Variants in ITFG1 observed in about 807,000 individuals in gnomAD.
ITFG1 encodes T-cell immunomodulatory protein.
Under a neutral mutation model 81.8 loss-of-function variants are expected in ITFG1, and 34 were observed. The ratio of observed to expected loss-of-function variants is 0.42; its 90% CI spans 0.32 to 0.55. The LOEUF (loss-of-function observed/expected upper bound fraction) is 0.55, where lower values mean the gene tolerates loss of function less well. Ranked by LOEUF, ITFG1 falls within the 20% of genes least tolerant of loss-of-function variation. The pLI, the probability that ITFG1 is intolerant of heterozygous loss-of-function variation, is 0.17. For missense variants in ITFG1, 672 were observed against 755.4 expected (o/e 0.89, Z 1.29); for synonymous variants, 285 against 270.6 (o/e 1.05, Z -0.52).
Position 47,420,479 on chromosome 16 carries a change from T to C in ITFG1, c.655+8325A>G, listed in dbSNP as rs140155375. Reference sequence around the variant, plus strand: ...TGTACTGGATGGAGTCTACTATAGTTTAGAAAGCACGTTGACATCTGATTC... The same window carrying C: ...TGTACTGGATGGAGTCTACTATAGTCTAGAAAGCACGTTGACATCTGATTC... On this transcript the variant is annotated intron_variant, in intron 6 of 17. Coordinates refer to ENST00000320640, the MANE Select transcript of ITFG1 (RefSeq NM_030790.5). 3.8e-3 allele frequency among the ~76,000 whole-genome samples: 580 copies of C among 152,278 alleles called. 3 individuals are homozygous for C. The highest frequency in any genetic ancestry group is 5.1e-3 in the Non-Finnish European group (346 of 68,022).
intron 8 of ITFG1, among the ~76,000 whole-genome samples, chr16:47,316,972 T>C (rs955115535): frequency 6.6e-6 from 1 of 152,212 alleles, no homozygotes; most frequent in Non-Finnish European, 1.5e-5. Context: ...TCTTTGGGAC[T>C]TCAGTAAATA....
intron 10 of ITFG1, among the ~76,000 whole-genome samples, chr16:47,269,486 TAAAA>T (rs76159288): frequency 2.0e-5 from 2 of 101,128 alleles, no homozygotes; most frequent in South Asian, 6.0e-4. Flanking sequence ...CTGTCTCTAT[TAAAA>T]AAAAAAAAAA....
At chr16:47,244,396 C>T (rs567551030) in intron 12 of ITFG1, among the ~76,000 whole-genome samples, 35 of 152,144 alleles carry the variant, frequency 2.3e-4, no homozygotes, top group African/African-American at 8.4e-4. Context: ...TGGGATCTGA[C>T]AGATTATCTC....
At chr16:47,409,391 TATATATATATA>T (rs1968773837) in intron 6 of ITFG1, among the ~76,000 whole-genome samples, 8 of 16,498 alleles carry the variant, frequency 4.8e-4, no homozygotes, top group Non-Finnish European at 7.1e-4. Flanking sequence ...TATATATATA[TATATATATATA>T]TATTTTTTTT....
intron 10 of ITFG1, among the ~76,000 whole-genome samples, chr16:47,298,053 G>T (rs186925086): frequency 5.9e-5 from 9 of 152,042 alleles, no homozygotes; most frequent in Admixed American, 2.0e-4. Context: ...TAATTTAAAA[G>T]ATTTGTTTCA....
At chr16:47,412,977 C>T (rs1015800617) in intron 6 of ITFG1, among the ~76,000 whole-genome samples, 2 of 152,176 alleles carry the variant, frequency 1.3e-5, no homozygotes, top group Admixed American at 1.3e-4. Context: ...TTCCCCCAAT[C>T]TGGCTAGAGA....
At chr16:47,442,626 A>C (rs1969268200) in intron 5 of ITFG1, among the ~76,000 whole-genome samples, 2 of 152,218 alleles carry the variant, frequency 1.3e-5, no homozygotes, top group Admixed American at 1.3e-4. Flanking sequence ...TCTTTGACAA[A>C]CCTGACAAAA....
At chr16:47,251,516 G>A (rs1364176706) in intron 12 of ITFG1, among the ~76,000 whole-genome samples, 1 of 134,450 alleles carries the variant, frequency 7.4e-6, no homozygotes, top group Non-Finnish European at 1.5e-5. Flanking sequence ...AAGAAGAAAA[G>A]CAACAGCTTA....
rs577324666 is a variant in ITFG1, at chr16:47,459,186, C to G, written c.209-11G>C. 1 of 1,534,974 alleles carries G rather than the reference C, an allele frequency of 6.5e-7. No individual in the cohort carries two copies. Among genetic ancestry groups the G allele is most frequent in the East Asian group, 2.3e-5 (1 of 44,442 alleles). On this transcript the variant is annotated splice_polypyrimidine_tract_variant and intron_variant, in intron 1 of 17. Transcript: ENST00000320640. ...CGATTAAGTCATTTCCTAAAGAAAA[C>G]AAATATATGATATTAGAAAAATGTT...
At chr16:47,190,043 T>TA (rs201761716) in intron 14 of ITFG1, among the ~76,000 whole-genome samples, 24 of 149,946 alleles carry the variant, frequency 1.6e-4, no homozygotes, top group South Asian at 1.1e-3. Context: ...TCCTCTGGAT[T>TA]AAAAAAAAAA....
rs369665908 is a variant in ITFG1 at position 47,454,171 on chromosome 16, A to G, written c.282-13T>C. ...TGCACTGTGATTCCTAAAAGAAACAAGCATTTACAAATATCAGACAAGTTG... is the reference window on the plus strand; with the variant it reads ...TGCACTGTGATTCCTAAAAGAAACAGGCATTTACAAATATCAGACAAGTTG... On this transcript the variant is annotated splice_polypyrimidine_tract_variant and intron_variant, in intron 2 of 17. Transcript: ENST00000320640. 1 of 1,586,482 alleles carries G rather than the reference A, an allele frequency of 6.3e-7. No individual in the cohort carries two copies. Among genetic ancestry groups the G allele is most frequent in the Admixed American group, 1.8e-5 (1 of 56,510 alleles).
In ITFG1 at chr16:47,311,332, A is replaced by C. The variant is rs780479405; in HGVS notation, c.978T>G (p.Thr326=). 9.9e-6 allele frequency: 16 copies of C among 1,613,582 alleles called. No homozygotes were observed. Among genetic ancestry groups the C allele is most frequent in the Non-Finnish European group, 1.4e-5 (16 of 1,179,654 alleles). ...FVPFVDEQQP[T]EIPIPITLHI... is the part of the protein sequence containing the mutation. ...GAAGGGTAATTGGAATTGGTATTTC[A>C]GTTGGTTGCTGTTCATCCACAAATG... The change falls in exon 10 of 18, where the codon ACT becomes ACG. Residue 326 remains threonine, a synonymous_variant. Coordinates refer to ENST00000320640, the MANE Select transcript of ITFG1 (RefSeq NM_030790.5).
rs34527674 is a variant in ITFG1 at position 47,182,386 on chromosome 16, C to CAA, written c.1454-19724_1454-19723dup. Among the ~76,000 whole-genome samples, 498 of 133,706 alleles carry CAA rather than the reference C, an allele frequency of 3.7e-3. 3 individuals carry two copies. The highest frequency in any genetic ancestry group is 0.013 in the African/African-American group (471 of 37,374). The allele number at this position is 133,706 out of a possible 152,430, so 87.7% of individuals were successfully genotyped here. ...CAACTGTTATTACTTAGGTGGCTCT[C>CAA]AAAAAAAAAAAAAGAAAATATGGTA... On this transcript the variant is annotated intron_variant, in intron 14 of 17. Coordinates refer to ENST00000320640, the MANE Select transcript of ITFG1 (RefSeq NM_030790.5).
chr16:47,285,724 T>C (rs1596861367), intron 10 of ITFG1, among the ~76,000 whole-genome samples: 1 of 152,098 alleles, frequency 6.6e-6, no homozygotes, highest in Non-Finnish European at 1.5e-5. Flanking sequence ...GGTGTGAGAG[T>C]AGAGGAAAAA....
At chr16:47,335,368 C>T (rs1045714180) in intron 8 of ITFG1, among the ~76,000 whole-genome samples, 1 of 151,746 alleles carries the variant, frequency 6.6e-6, no homozygotes, top group African/African-American at 2.4e-5. Context: ...AAAAACAAAA[C>T]AAAACAAGAC....
chr16:47,180,347 T>C (rs1029838865), intron 14 of ITFG1, among the ~76,000 whole-genome samples: 1 of 151,710 alleles, frequency 6.6e-6, no homozygotes, highest in African/African-American at 2.4e-5. Context: ...AAATATGGTA[T>C]TATTGCCCTC....
chr16:47,339,520 T>C (rs1967752563), intron 8 of ITFG1, among the ~76,000 whole-genome samples: 1 of 152,012 alleles, frequency 6.6e-6, no homozygotes, highest in South Asian at 2.1e-4. Context: ...AGAATATCAA[T>C]AAGGAGATTA....
chr16:47,170,674 C>T (rs757862591), intron 14 of ITFG1, among the ~76,000 whole-genome samples: 3 of 150,166 alleles, frequency 2.0e-5, no homozygotes, highest in South Asian at 2.1e-4. Flanking sequence ...AGGTGATCTG[C>T]GCCTGCCTCA....
chr16:47,202,745 G>A (rs1442005953), intron 14 of ITFG1, among the ~76,000 whole-genome samples: 1 of 152,026 alleles, frequency 6.6e-6, no homozygotes, highest in East Asian at 1.9e-4. Context: ...ACAAATAAAT[G>A]GCCAATAAGC....
Sources: allele counts gnomAD v4.1 joint callset (sites outside exome capture counted in the v4.1 genomes callset), GRCh38; gene constraint gnomAD v4.1.1; transcripts MANE v1.5; gene names NCBI Gene and HGNC (gene_info 2026-07-23, HGNC 2026-07-21).